DNAH5: variants seen among roughly 807,000 people sequenced by gnomAD.
DNAH5 encodes axonemal beta dynein heavy chain 5.
Under a neutral mutation model 518.2 loss-of-function variants are expected in DNAH5, and 372 were observed. The observed-to-expected ratio is 0.72, with a 90% confidence interval of 0.66 to 0.78. The LOEUF (loss-of-function observed/expected upper bound fraction) is 0.78, where lower values mean the gene tolerates loss of function less well. Among genes scored for constraint, DNAH5 ranks in the 30% least tolerant of loss-of-function variants. The pLI is 0.00. For missense variants in DNAH5, 5,523 were observed against 5,687.0 expected (o/e 0.97, Z 0.93); for synonymous variants, 2,039 against 2,025.9 (o/e 1.01, Z -0.17).
chr5:13,702,807 G>C (rs1419817366), intron 76 of DNAH5, among the ~76,000 whole-genome samples: 2 of 152,148 alleles, frequency 1.3e-5, no homozygotes, highest in Non-Finnish European at 2.9e-5. Flanking sequence ...GCTGCCTGCA[G>C]AACTCACTGC....
At chr5:13,841,281 T>C in intron 33 of DNAH5, 151 bp from the exon 34 acceptor site, 1 of 683,754 alleles carries the variant, frequency 1.5e-6, no homozygotes, top group East Asian at 2.7e-5. Context: ...CTATGGAAAT[T>C]CTATTTCTTA....
chr5:13,887,522 A>G (rs17275618), intron 17 of DNAH5, among the ~76,000 whole-genome samples: 51,875 of 151,874 alleles, frequency 0.34, 8,891 homozygotes, highest in South Asian at 0.44. Flanking sequence ...GACACCCAAA[A>G]GCTGAAACCC....
chr5:13,876,109 T>C (rs999850682), intron 22 of DNAH5, among the ~76,000 whole-genome samples: 2 of 152,166 alleles, frequency 1.3e-5, no homozygotes, highest in Admixed American at 1.3e-4. Flanking sequence ...AAAATAGATT[T>C]GCATGAACAA....
In DNAH5 at chr5:13,690,984, C is replaced by T. The variant is rs1740641463; in HGVS notation, c.*1000G>A. Reference sequence around the variant, plus strand: ...TATTTGCTGTTATAATCACAGTGTGCTCAATATTTTGTAAACTAAATCTTT... The same window carrying T: ...TATTTGCTGTTATAATCACAGTGTGTTCAATATTTTGTAAACTAAATCTTT... On this transcript the variant is annotated 3_prime_UTR_variant, in exon 79 of 79. Transcript: ENST00000265104. The T allele has an allele frequency of 1.3e-5, 2 of 152,156 alleles. No individual in the cohort carries two copies. Among genetic ancestry groups the T allele is most frequent in the Non-Finnish European group, 2.9e-5 (2 of 68,030 alleles). 9.4% of individuals were successfully genotyped at this position (152,156 alleles called of 1,614,324 possible). A position where few individuals can be genotyped will look rare whatever the true frequency, so the allele number is the denominator to read the frequency against.
chr5:13,845,939 T>C (rs1031596296), intron 31 of DNAH5, among the ~76,000 whole-genome samples: 1 of 150,902 alleles, frequency 6.6e-6, no homozygotes, highest in Admixed American at 6.6e-5. Flanking sequence ...CAAGTGTTTC[T>C]CCTGCTTCAG....
intron 1 of DNAH5, among the ~76,000 whole-genome samples, chr5:13,959,288 A>G (rs950399653): frequency 3.3e-5 from 5 of 152,210 alleles, no homozygotes; most frequent in Non-Finnish European, 7.3e-5. Flanking sequence ...GTCCTCGCAG[A>G]ACTCCAAACT....
intron 46 of DNAH5, 67 bp downstream of exon 46, chr5:13,808,977 A>G: frequency 6.3e-7 from 1 of 1,580,596 alleles, no homozygotes; most frequent in East Asian, 2.2e-5. Flanking sequence ...AACTAAATAA[A>G]TAAATGCAGG....
At position 13,884,724 on chromosome 5, in the gene DNAH5, C is replaced by T. The variant is rs112233936; in HGVS notation, c.2983+265G>A. Among the ~76,000 whole-genome samples, 2,076 of 152,292 alleles carry T rather than the reference C, an allele frequency of 0.014. 50 individuals are homozygous for T. The highest frequency in any genetic ancestry group is 0.046 in the African/African-American group (1,906 of 41,552). ...TGGCGGCGTGCGCCTATAGTCCCAG[C>T]TACTTGGGAGGCTAAGCTGGAGAAT... On this transcript the variant is annotated intron_variant, in intron 19 of 78. Transcript: ENST00000265104.
At chr5:13,724,738 G>A (rs1489125224) in intron 70 of DNAH5, among the ~76,000 whole-genome samples, 1 of 152,146 alleles carries the variant, frequency 6.6e-6, no homozygotes, top group African/African-American at 2.4e-5. Flanking sequence ...GTTCTTCCCA[G>A]ATCTGGTTGT....
chr5:13,754,366 C>A (rs746188020), intron 61 of DNAH5, 28 bp from the exon 62 acceptor site: 1 of 1,613,872 alleles, frequency 6.2e-7, no homozygotes, highest in South Asian at 1.1e-5. Flanking sequence ...CACAAGAAAG[C>A]TTTTACTGAA....
chr5:13,843,959 G>A (rs567446220), intron 32 of DNAH5, among the ~76,000 whole-genome samples: 1 of 152,252 alleles, frequency 6.6e-6, no homozygotes, highest in Non-Finnish European at 1.5e-5. Flanking sequence ...CTTCAGCGTT[G>A]ATCATGATAC....
intron 25 of DNAH5, among the ~76,000 whole-genome samples, chr5:13,866,924 A>G (rs1769336522): frequency 6.6e-6 from 1 of 152,184 alleles, no homozygotes; most frequent in East Asian, 1.9e-4. Flanking sequence ...CAGTACTTAA[A>G]CCTATATGGA....
At chr5:13,962,839 G>C (rs985230850) in intron 1 of DNAH5, among the ~76,000 whole-genome samples, 1 of 152,160 alleles carries the variant, frequency 6.6e-6, no homozygotes, top group East Asian at 1.9e-4. Flanking sequence ...ATTTGGTCAG[G>C]GAAGGGAGTC....
chr5:13,946,229 C>T (rs996991499), upstream of DNAH5, among the ~76,000 whole-genome samples: 4 of 152,318 alleles, frequency 2.6e-5, no homozygotes, highest in East Asian at 3.9e-4. Context: ...CCATTTACAA[C>T]GCATCGCTTG....
In DNAH5 at chr5:13,701,365, C is replaced by G. The variant is rs368920785; in HGVS notation, c.13410G>C (p.Ser4470=). 19 of 1,614,068 alleles carry G rather than the reference C, an allele frequency of 1.2e-5. No homozygotes were observed. Among genetic ancestry groups the G allele is most frequent in the Non-Finnish European group, 1.6e-5 (19 of 1,179,990 alleles). Residue 4470 remains serine (S), a synonymous_variant, in exon 77 of 79, where the codon TCG becomes TCC. Transcript: ENST00000265104. The stretch of plus-strand genomic sequence containing the variant: ...AGTGAGGTCGGCCATTGAAAACCCA[C>G]GAGGTAAACTGGCTGTTTCTTTCTA... ...ELIERNSQFT[S]WVFNGRPHCF...
At chr5:13,941,949 A>G (rs1779496483) in intron 1 of DNAH5, among the ~76,000 whole-genome samples, 1 of 152,206 alleles carries the variant, frequency 6.6e-6, no homozygotes, top group Non-Finnish European at 1.5e-5. Flanking sequence ...TCAACCAACA[A>G]AGTTATAGAC....
At chr5:13,696,069 C>A (rs1186033375) in intron 78 of DNAH5, among the ~76,000 whole-genome samples, 1 of 152,164 alleles carries the variant, frequency 6.6e-6, no homozygotes, top group African/African-American at 2.4e-5. Flanking sequence ...AGGCCCAAAT[C>A]TGCACAGTCT....
chr5:13,969,529 A>T (rs1362538950), intron 1 of DNAH5, among the ~76,000 whole-genome samples: 1 of 152,086 alleles, frequency 6.6e-6, no homozygotes, highest in East Asian at 1.9e-4. Context: ...CACTTCAATG[A>T]ATTTTTTAAT....
rs1176986987 is a variant in DNAH5, at chr5:13,841,120, A to C, written c.5495T>G (p.Leu1832Ter). 1.2e-6 allele frequency: 2 copies of C among 1,613,484 alleles called. No homozygotes were observed. Residue 1832 changes from leucine to a stop codon, truncating the protein, a stop_gained, in exon 34 of 79, where the codon TTA (leucine) becomes TGA (stop). Coordinates refer to ENST00000265104, the MANE Select transcript of DNAH5 (RefSeq NM_001369.3). LOFTEE classifies it high-confidence loss of function. The stretch of plus-strand genomic sequence containing the variant: ...CCGTGTCCATATCATCTGAATTCCT[A>C]ATAATCCAACCTTATGGAAATAAAA... ...LSSFPAQVGL[L>*]GIQMIWTRDS...
Sources: allele counts gnomAD v4.1 joint callset (sites outside exome capture counted in the v4.1 genomes callset), GRCh38; gene constraint gnomAD v4.1.1; transcripts MANE v1.5; gene names NCBI Gene and HGNC (gene_info 2026-07-23, HGNC 2026-07-21).